Variants in POLA1 observed in about 807,000 individuals in gnomAD.
The protein encoded by POLA1 is DNA polymerase alpha 1, catalytic subunit, also known as DNA polymerase alpha catalytic subunit.
In POLA1, 15 loss-of-function variants were observed where a neutral mutation model predicts 124.0. The ratio of observed to expected loss-of-function variants is 0.12; its 90% CI spans 0.08 to 0.19. The LOEUF is 0.19. Ranked by LOEUF, POLA1 falls within the 10% of genes least tolerant of loss-of-function variation. The pLI, the probability that POLA1 is intolerant of heterozygous loss-of-function variation, is 1.00. For missense variants in POLA1, 886 were observed against 1,103.4 expected (o/e 0.80, Z 2.79); for synonymous variants, 408 against 389.4 (o/e 1.05, Z -0.56).
intron 26 of POLA1, among the ~76,000 whole-genome samples, chrX:24,782,382 A>T (rs2045283438): frequency 9.0e-6 from 1 of 111,537 alleles, no homozygotes; most frequent in Non-Finnish European, 1.9e-5. Context: ...ACTTATTTTT[A>T]TGCTGACCAT....
intron 31 of POLA1, among the ~76,000 whole-genome samples, chrX:24,824,295 A>AT (rs1002802945): frequency 1.8e-5 from 2 of 108,405 alleles, no homozygotes; most frequent in African/African-American, 3.4e-5. Flanking sequence ...GGTTATTATT[A>AT]TTTTTTTTTA....
chrX:24,922,978 T>C (rs1462250423), intron 35 of POLA1, among the ~76,000 whole-genome samples: 1 of 112,067 alleles, frequency 8.9e-6, no homozygotes, highest in Non-Finnish European at 1.9e-5. Context: ...TCAATCTTTT[T>C]TTGACATTAG....
At chrX:24,784,014 C>G (rs2045315486) in intron 26 of POLA1, among the ~76,000 whole-genome samples, 2 of 106,677 alleles carry the variant, frequency 1.9e-5, no homozygotes, top group South Asian at 8.5e-4. Flanking sequence ...GGAAGATAGT[C>G]AAACAGTTCT....
intron 26 of POLA1, among the ~76,000 whole-genome samples, chrX:24,784,985 G>C (rs923329233): frequency 1.8e-5 from 2 of 111,878 alleles, no homozygotes; most frequent in Non-Finnish European, 3.8e-5. Context: ...AAAAATTCAG[G>C]TCAGTCATAC....
rs193234287 is a variant in POLA1, at chrX:24,836,720, A to G, written c.3737-4932A>G. 1.3e-4 allele frequency among the ~76,000 whole-genome samples: 14 copies of G among 110,950 alleles called. No homozygotes were observed. The East Asian group carries it at 2.3e-3, about 18-fold the overall frequency. On this transcript the variant is annotated intron_variant, in intron 32 of 36. Coordinates refer to ENST00000379068, the MANE Select transcript of POLA1 (RefSeq NM_001330360.2). ...TCTTATTGATTTGCAGGCATTTCCTATGTGTTCTAATTACGAGTCTTTTGG... is the reference window on the plus strand; with the variant it reads ...TCTTATTGATTTGCAGGCATTTCCTGTGTGTTCTAATTACGAGTCTTTTGG...
intron 34 of POLA1, among the ~76,000 whole-genome samples, chrX:24,866,666 A>G (rs1254205666): frequency 8.9e-6 from 1 of 111,928 alleles, no homozygotes; most frequent in African/African-American, 3.2e-5. Context: ...GATTGTTCCT[A>G]CGAAAAAAGA....
intron 30 of POLA1, among the ~76,000 whole-genome samples, chrX:24,816,171 A>G (rs1202106998): frequency 8.9e-6 from 1 of 112,242 alleles, no homozygotes; most frequent in African/African-American, 3.2e-5. Flanking sequence ...TTTGAGTCAA[A>G]AGATGTGAAT....
intron 36 of POLA1, among the ~76,000 whole-genome samples, chrX:24,985,702 G>A (rs993155516): frequency 8.9e-6 from 1 of 112,320 alleles, no homozygotes; most frequent in Non-Finnish European, 1.9e-5. Context: ...GCTCATTGGA[G>A]CATTTCAGAG....
At chrX:24,950,790 C>A (rs1244987683) in intron 36 of POLA1, among the ~76,000 whole-genome samples, 1 of 111,753 alleles carries the variant, frequency 8.9e-6, no homozygotes, top group Non-Finnish European at 1.9e-5. Flanking sequence ...ATGACTAAGA[C>A]CATCTCCTTC....
chrX:24,863,256 A>G (rs2046742862), intron 34 of POLA1, among the ~76,000 whole-genome samples: 1 of 74,951 alleles, frequency 1.3e-5, no homozygotes, highest in African/African-American at 6.3e-5. Flanking sequence ...AGGGAAGAGT[A>G]TGCCCCCCCC....
intron 30 of POLA1, 39 bp downstream of exon 30, chrX:24,815,150 T>C (rs1358822434): frequency 1.7e-6 from 2 of 1,156,679 alleles, no homozygotes; most frequent in Non-Finnish European, 2.3e-6. Context: ...GCTGCTGTCA[T>C]GTGTTTTTCA....
intron 7 of POLA1, 65 bp from the exon 8 acceptor site, chrX:24,716,819 G>A (rs913499571): frequency 4.7e-6 from 3 of 638,304 alleles, no homozygotes; most frequent in East Asian, 6.6e-5. Flanking sequence ...CTTTGGTCAG[G>A]GTAGGACAGT....
At chrX:24,949,828 G>A (rs1228441437) in intron 36 of POLA1, among the ~76,000 whole-genome samples, 1 of 106,851 alleles carries the variant, frequency 9.4e-6, no homozygotes, top group African/African-American at 3.4e-5. Flanking sequence ...TCCACCTCCC[G>A]GGTTCAAGCG....
chrX:24,738,316 A>C (rs1021167116), intron 19 of POLA1, among the ~76,000 whole-genome samples: 5 of 109,582 alleles, frequency 4.6e-5, no homozygotes, highest in African/African-American at 9.9e-5. Flanking sequence ...CATACATGTT[A>C]CCTTCACTTT....
chrX:24,712,851 G>A (rs1929554377), intron 4 of POLA1, among the ~76,000 whole-genome samples: 1 of 112,268 alleles, frequency 8.9e-6, no homozygotes, highest in African/African-American at 3.2e-5. Context: ...GATATGGGAT[G>A]CCACCTTCAT....
intron 11 of POLA1, among the ~76,000 whole-genome samples, chrX:24,724,115 G>A (rs1179535499): frequency 1.8e-5 from 2 of 112,275 alleles, no homozygotes; most frequent in Non-Finnish European, 3.8e-5. Flanking sequence ...CATCTTTATC[G>A]CTGATTTGTT....
At chrX:24,930,380 C>T in intron 35 of POLA1, 73 bp from the exon 36 acceptor site, 2 of 690,555 alleles carry the variant, frequency 2.9e-6, no homozygotes, top group South Asian at 4.7e-5. Context: ...AGGGGATACA[C>T]TCTGCTGAGA....
intron 36 of POLA1, among the ~76,000 whole-genome samples, chrX:24,991,490 G>T (rs753582095): frequency 1.8e-5 from 2 of 112,182 alleles, no homozygotes; most frequent in Admixed American, 9.4e-5. Flanking sequence ...TTCTCGCATC[G>T]GCCTCTGCTC....
intron 30 of POLA1, among the ~76,000 whole-genome samples, chrX:24,821,097 C>T (rs975604491): frequency 1.8e-5 from 2 of 112,155 alleles, no homozygotes; most frequent in African/African-American, 6.5e-5. Context: ...AGCCATTATT[C>T]ATCAGTCCCA....
Sources: gnomAD v4.1 joint callset for allele counts (sites outside exome capture counted in the v4.1 genomes callset) on GRCh38, gnomAD v4.1.1 for gene constraint, MANE v1.5 for transcripts, NCBI Gene and HGNC (gene_info 2026-07-23, HGNC 2026-07-21) for gene names.